The following TCP11 variants were observed in gnomAD, a reference collection of about 807,000 sequenced individuals.
TCP11 encodes the protein T-complex protein 11 homolog.
A neutral mutation model predicts 45.0 loss-of-function variants in TCP11; 34 were observed. The observed-to-expected ratio is 0.76, with a 90% confidence interval of 0.57 to 1.01. The LOEUF (loss-of-function observed/expected upper bound fraction) is 1.01, where lower values mean the gene tolerates loss of function less well. Ranked by LOEUF, TCP11 falls within the 50% of genes least tolerant of loss-of-function variation. The pLI is 0.00. For missense variants in TCP11, 523 were observed against 598.1 expected (o/e 0.87, Z 1.31); for synonymous variants, 227 against 227.0 (o/e 1.00, Z 0.00).
chr6:35,121,404 T>C (rs77250962), intron 5 of TCP11, among the ~76,000 whole-genome samples: 31 of 142,392 alleles, frequency 2.2e-4, no homozygotes, highest in African/African-American at 7.7e-4. Flanking sequence ...ACCAACTGCT[T>C]TTTTTTTTTT....
chr6:35,129,921 T>C (rs988554924), intron 3 of TCP11, among the ~76,000 whole-genome samples: 4 of 152,146 alleles, frequency 2.6e-5, no homozygotes, highest in Non-Finnish European at 5.9e-5. Context: ...ACCACAGGCA[T>C]GAGCCACCGT....
chr6:35,130,308 A>C (rs761188922), intron 3 of TCP11, among the ~76,000 whole-genome samples: 7 of 152,230 alleles, frequency 4.6e-5, no homozygotes, highest in Non-Finnish European at 1.0e-4. Flanking sequence ...GACCTTTTAG[A>C]TACAATGCCA....
rs566768818 is a variant in TCP11, at chr6:35,120,639, A to C, written c.723T>G (p.Leu241=). 7 of 1,613,266 alleles carry C rather than the reference A, an allele frequency of 4.3e-6. No individual in the cohort carries two copies. In the South Asian group the frequency reaches 5.5e-5, roughly 13 times the overall value. The change falls in exon 7 of 10, where the codon CTT becomes CTG. Residue 241 remains leucine, a synonymous_variant. Coordinates refer to ENST00000311875, the MANE Select transcript of TCP11 (RefSeq NM_001370687.1). This position sits in a 1 kb window ranked among gnomAD's most constrained non-coding sequence, Gnocchi z 4.9. ...QELLNKQPSL[L]NHTTKWLTQA... Reference sequence around the variant, plus strand: ...GGGTCAGCCATTTGGTGGTGTGATTAAGGAGACCTATGACAGGTAAGGGAG... The same window carrying C: ...GGGTCAGCCATTTGGTGGTGTGATTCAGGAGACCTATGACAGGTAAGGGAG...
At chr6:35,128,589 A>G (rs1780075792) in intron 4 of TCP11, 1 of 149,806 alleles carries the variant, frequency 6.7e-6, no homozygotes, top group Admixed American at 6.6e-5. Context: ...CTAGAAAGAC[A>G]TTGCAAAGGC....
Position 35,136,221 on chromosome 6 carries a change from G to A in TCP11, c.125-3C>T, listed in dbSNP as rs765024156. 1 of 1,609,746 alleles carries A rather than the reference G, an allele frequency of 6.2e-7. No homozygotes were observed. The highest frequency in any genetic ancestry group is 1.1e-5 in the South Asian group (1 of 90,730). On this transcript the variant is annotated splice_polypyrimidine_tract_variant and splice_region_variant and intron_variant, in intron 2 of 9. Coordinates refer to ENST00000311875, the MANE Select transcript of TCP11 (RefSeq NM_001370687.1). ...TGTCAGACCTGTGACAGAAAGAACT[G>A]ATGGTGGACAACAATGAGCCCATGC... is the stretch of plus-strand genomic sequence containing the variant.
chr6:35,129,463 T>A (rs1780172361), intron 3 of TCP11, among the ~76,000 whole-genome samples: 1 of 152,220 alleles, frequency 6.6e-6, no homozygotes, highest in South Asian at 2.1e-4. Flanking sequence ...TCAGGCTGAC[T>A]TTTAGCACTG....
rs766793068 is a variant in TCP11, at chr6:35,140,934, C to T, written c.-14-50G>A. 26 of 1,352,680 alleles carry T rather than the reference C, an allele frequency of 1.9e-5. No homozygotes were observed. The Admixed American group carries it at 4.0e-4, about 21-fold the overall frequency. 83.8% of individuals were successfully genotyped at this position (1,352,680 alleles called of 1,614,324 possible). On this transcript the variant is annotated intron_variant, in intron 1 of 9. Transcript: ENST00000311875. The stretch of plus-strand genomic sequence containing the variant: ...GTTGGCGTCGGGGAAGGGGCCTCCC[C>T]AATTGCCAAGGGGGTCCCTGGGGGC...
At chr6:35,123,419 G>A (rs1191438459) in intron 4 of TCP11, among the ~76,000 whole-genome samples, 2 of 151,534 alleles carry the variant, frequency 1.3e-5, no homozygotes, top group Non-Finnish European at 2.9e-5. Context: ...CCAAGGTGAA[G>A]GACAAATTGC....
chr6:35,121,579 G>A (rs60590096), intron 5 of TCP11, among the ~76,000 whole-genome samples: 2 of 151,730 alleles, frequency 1.3e-5, no homozygotes, highest in Non-Finnish European at 2.9e-5. Context: ...TTGGGAGGCC[G>A]AGGTGGGTGA....
Position 35,120,677 on chromosome 6 carries a change from T to C in TCP11, c.716-31A>G, listed in dbSNP as rs764864583. ...ACAGGTAAGGGAGTGTGTAAGCATC[T>C]TTAGCATCTTCATCTCTGAGGCTTC... On this transcript the variant is annotated intron_variant, in intron 6 of 9. Coordinates refer to ENST00000311875, the MANE Select transcript of TCP11 (RefSeq NM_001370687.1). The surrounding 1 kb of genome is among the most constrained non-coding windows in gnomAD (Gnocchi z 4.9). 2.5e-6 allele frequency: 4 copies of C among 1,587,896 alleles called. No homozygotes were observed. The highest frequency in any genetic ancestry group is 1.1e-5 in the South Asian group (1 of 87,566).
At chr6:35,128,527 T>G (rs1275369687) in intron 4 of TCP11, 1 of 152,434 alleles carries the variant, frequency 6.6e-6, no homozygotes, top group African/African-American at 2.4e-5. Flanking sequence ...GGGAGAAGAT[T>G]ATACAAGGGT....
At position 35,136,118 on chromosome 6, in the gene TCP11, T is replaced by C. The variant is rs1781054559; in HGVS notation, c.225A>G (p.Leu75=). 7 of 1,613,420 alleles carry C rather than the reference T, an allele frequency of 4.3e-6. No individual in the cohort carries two copies. The highest frequency in any genetic ancestry group is 1.7e-5 in the Admixed American group (1 of 59,962). ...NCDYYMEEKV[L]PPSSLEGKVK... is the part of the protein sequence containing the mutation. ...AGAAGAGTCTATACCTGCTTGGAGG[T>C]AAAACCTTCTCTTCCATGTAGTAAT... The change falls in exon 3 of 10, where the codon TTA becomes TTG. Residue 75 remains leucine (L), a synonymous_variant. Transcript: ENST00000311875.
chr6:35,124,693 A>T (rs930655875), intron 4 of TCP11, among the ~76,000 whole-genome samples: 1 of 152,206 alleles, frequency 6.6e-6, no homozygotes. Flanking sequence ...ACCTGGATAT[A>T]TAAGGTCAAA....
At chr6:35,138,902 T>C (rs1781411952) in intron 2 of TCP11, among the ~76,000 whole-genome samples, 1 of 152,082 alleles carries the variant, frequency 6.6e-6, no homozygotes, top group South Asian at 2.1e-4. Context: ...TTAAAAGAAG[T>C]CAAGGCCAGG....
In TCP11 at chr6:35,121,023, G is replaced by A. The variant is rs200541069; in HGVS notation, c.601C>T (p.Arg201Trp). ...LLRGIFQVLG[R>W]MKMDMVNYTI... ...TAGTTCACCATGTCCATTTTCATCC[G>A]GCCCAGAACCTGGAAGATCCCTCTG... Residue 201 changes from arginine (R) to tryptophan (W), a missense_variant, in exon 6 of 10, where the codon CGG becomes TGG. Arg to Trp is a moderately radical substitution (Grantham distance 101). Coordinates refer to ENST00000311875, the MANE Select transcript of TCP11 (RefSeq NM_001370687.1). The A allele has an allele frequency of 5.2e-5, 83 of 1,609,820 alleles. No individual in the cohort carries two copies. In the East Asian group the frequency reaches 1.5e-3, roughly 29 times the overall value.
chr6:35,121,062 G>T lies in TCP11; in HGVS notation c.579-17C>A, dbSNP rs367853306. ...AAGATCCCTCTGACACAGGGGGAAA[G>T]AGAATATTTATACTACTAAGCTAGA... On this transcript the variant is annotated splice_polypyrimidine_tract_variant and intron_variant, in intron 5 of 9. Transcript: ENST00000311875. 7.5e-6 allele frequency: 12 copies of T among 1,593,214 alleles called. No individual in the cohort carries two copies. Among genetic ancestry groups the T allele is most frequent in the Non-Finnish European group, 1.0e-5 (12 of 1,168,824 alleles).
intron 1 of TCP11, 54 bp downstream of exon 1, chr6:35,141,151 C>T: frequency 4.6e-6 from 6 of 1,315,384 alleles, no homozygotes; most frequent in Non-Finnish European, 5.8e-6. Flanking sequence ...CGGCGAGGTG[C>T]CCCCCTCGCC....
intron 4 of TCP11, among the ~76,000 whole-genome samples, chr6:35,127,980 C>T (rs1780015210): frequency 6.6e-6 from 1 of 152,186 alleles, no homozygotes; most frequent in African/African-American, 2.4e-5. Context: ...TGCCAGATAG[C>T]ACATTTTAAG....
intron 3 of TCP11, among the ~76,000 whole-genome samples, chr6:35,131,336 G>A (rs1047111628): frequency 7.9e-5 from 12 of 152,120 alleles, no homozygotes; most frequent in Non-Finnish European, 1.5e-4. Context: ...GGGGGGCCGA[G>A]GCGGGCGGAT....
Sources: allele counts gnomAD v4.1 joint callset (sites outside exome capture counted in the v4.1 genomes callset), GRCh38; gene constraint gnomAD v4.1.1; non-coding constraint Gnocchi (gnomAD v3.1); transcripts MANE v1.5; gene names NCBI Gene and HGNC (gene_info 2026-07-23, HGNC 2026-07-21).